The following PTPRG variants were observed in gnomAD, a reference collection of about 807,000 sequenced individuals.
The protein encoded by PTPRG is receptor-type tyrosine-protein phosphatase gamma.
Under a neutral mutation model 165.3 loss-of-function variants are expected in PTPRG, and 102 were observed. The observed-to-expected ratio is 0.62, with a 90% CI of 0.53 to 0.73. PTPRG has a LOEUF of 0.73. Ranked by LOEUF, PTPRG falls within the 30% of genes least tolerant of loss-of-function variation. PTPRG has a pLI of 0.00. For missense variants in PTPRG, 1,866 were observed against 1,861.4 expected (o/e 1.00, Z -0.05); for synonymous variants, 675 against 669.5 (o/e 1.01, Z -0.13).
At chr3:61,956,726 T>A (rs1048011539) in intron 2 of PTPRG, among the ~76,000 whole-genome samples, 58 of 152,324 alleles carry the variant, frequency 3.8e-4, no homozygotes, top group African/African-American at 1.2e-3. Context: ...ATATTGAGAT[T>A]TTTCCTGCTG....
At chr3:61,570,530 T>C (rs1427816311) in intron 1 of PTPRG, among the ~76,000 whole-genome samples, 2 of 152,198 alleles carry the variant, frequency 1.3e-5, no homozygotes, top group South Asian at 2.1e-4. Flanking sequence ...TATAATGCAG[T>C]GGATATACTT....
intron 1 of PTPRG, among the ~76,000 whole-genome samples, chr3:61,656,335 C>T (rs1372565475): frequency 1.3e-5 from 2 of 152,150 alleles, no homozygotes; most frequent in Non-Finnish European, 2.9e-5. Flanking sequence ...CAGAAGTGGT[C>T]TCTGTCTCAG....
At chr3:62,226,173 G>T (rs186213411) in intron 13 of PTPRG, among the ~76,000 whole-genome samples, 12 of 152,316 alleles carry the variant, frequency 7.9e-5, no homozygotes, top group African/African-American at 2.9e-4. Context: ...TGACTTCATA[G>T]CCCACTGGGT....
chr3:62,011,885 G>C (rs6794623), intron 4 of PTPRG, among the ~76,000 whole-genome samples: 75,673 of 152,004 alleles, frequency 0.5, 19,088 homozygotes, highest in African/African-American at 0.57. Context: ...TGGTGTGTCA[G>C]TGACACGTGG....
At chr3:61,897,216 A>G (rs990574673) in intron 2 of PTPRG, among the ~76,000 whole-genome samples, 23 of 152,108 alleles carry the variant, frequency 1.5e-4, no homozygotes, top group African/African-American at 5.3e-4. Flanking sequence ...TGAAAATTTT[A>G]TAGTTTTACA....
chr3:61,873,361 C>A (rs1300988503), intron 2 of PTPRG, among the ~76,000 whole-genome samples: 1 of 152,036 alleles, frequency 6.6e-6, no homozygotes, highest in African/African-American at 2.4e-5. Flanking sequence ...TTTAGCTTTA[C>A]TCATAAGATG....
chr3:61,808,877 A>T (rs369583072), intron 2 of PTPRG, among the ~76,000 whole-genome samples: 1 of 151,342 alleles, frequency 6.6e-6, no homozygotes, highest in Non-Finnish European at 1.5e-5. Context: ...TAAAGTTTAG[A>T]CCTTTTGTAT....
intron 4 of PTPRG, among the ~76,000 whole-genome samples, chr3:62,073,339 TTA>T (rs1480491474): frequency 6.6e-6 from 1 of 152,186 alleles, no homozygotes; most frequent in Non-Finnish European, 1.5e-5. Context: ...AAAATACTTT[TTA>T]ATTATGAAAG....
At chr3:62,172,253 A>T (rs1705244814) in intron 8 of PTPRG, among the ~76,000 whole-genome samples, 1 of 152,214 alleles carries the variant, frequency 6.6e-6, no homozygotes, top group Non-Finnish European at 1.5e-5. Context: ...CAAGTCTTTT[A>T]GATGTAAACC....
rs141247231 is a variant in PTPRG at position 62,108,620 on chromosome 3, G to A, written c.616-23982G>A. Among the ~76,000 whole-genome samples, 424 of 152,208 alleles carry A rather than the reference G, an allele frequency of 2.8e-3. 3 individuals are homozygous for A. Among genetic ancestry groups the A allele is most frequent in the African/African-American group, 9.3e-3 (387 of 41,524 alleles). ...TTCTAGACCCTTGAGGAATCACCACGCTGTCTTCCACAATGGTTGAACTAA... is the reference window on the plus strand; with the variant it reads ...TTCTAGACCCTTGAGGAATCACCACACTGTCTTCCACAATGGTTGAACTAA... On this transcript the variant is annotated intron_variant, in intron 5 of 29. Coordinates refer to ENST00000474889, the MANE Select transcript of PTPRG (RefSeq NM_002841.4).
intron 2 of PTPRG, among the ~76,000 whole-genome samples, chr3:61,872,617 T>C (rs979352628): frequency 7.2e-5 from 11 of 152,212 alleles, no homozygotes; most frequent in African/African-American, 2.7e-4. Flanking sequence ...CAATTTTTTT[T>C]TTCATGACCA....
At chr3:61,912,108 T>G (rs919438558) in intron 2 of PTPRG, among the ~76,000 whole-genome samples, 1 of 152,148 alleles carries the variant, frequency 6.6e-6, no homozygotes, top group Non-Finnish European at 1.5e-5. Flanking sequence ...TGCCTTCTAT[T>G]TTTATGAAGT....
At chr3:61,761,406 A>G (rs1013867621) in intron 2 of PTPRG, among the ~76,000 whole-genome samples, 3 of 152,026 alleles carry the variant, frequency 2.0e-5, no homozygotes, top group Non-Finnish European at 2.9e-5. Flanking sequence ...GTGAAACTTC[A>G]TCTCTACTAA....
intron 4 of PTPRG, among the ~76,000 whole-genome samples, chr3:62,037,516 G>A (rs533159162): frequency 1.3e-5 from 2 of 152,112 alleles, no homozygotes; most frequent in East Asian, 1.9e-4. Context: ...ATATCCCTTG[G>A]GGGGGCAAAA....
chr3:62,089,019 C>G (rs1338378634), intron 5 of PTPRG, among the ~76,000 whole-genome samples: 6 of 152,176 alleles, frequency 3.9e-5, no homozygotes, highest in African/African-American at 1.4e-4. Context: ...AAGAACTTTA[C>G]AATTCTCTTT....
At chr3:61,675,736 C>G (rs1021971294) in intron 1 of PTPRG, among the ~76,000 whole-genome samples, 15 of 152,100 alleles carry the variant, frequency 9.9e-5, no homozygotes, top group Admixed American at 4.6e-4. Context: ...ACAAGGTTAG[C>G]CCTAAGTTGA....
intron 8 of PTPRG, among the ~76,000 whole-genome samples, chr3:62,168,848 G>T (rs979973745): frequency 9.2e-5 from 14 of 152,298 alleles, no homozygotes; most frequent in Middle Eastern, 3.4e-3. Flanking sequence ...GAACAATCAG[G>T]TCGCCCATGG....
At position 61,829,462 on chromosome 3, in the gene PTPRG, A is replaced by G. The variant is rs200485187; in HGVS notation, c.190+80480A>G. On this transcript the variant is annotated intron_variant, in intron 2 of 29. Transcript: ENST00000474889. ...TTATCATGCCTCACTTAGCCCGATCACTGCCTTAAACGACACCACCAGGGA... is the reference window on the plus strand; with the variant it reads ...TTATCATGCCTCACTTAGCCCGATCGCTGCCTTAAACGACACCACCAGGGA... Among the ~76,000 whole-genome samples, 6 of 152,242 alleles carry G rather than the reference A, an allele frequency of 3.9e-5. No individual in the cohort carries two copies. The East Asian group carries it at 7.7e-4, about 20-fold the overall frequency.
At chr3:61,893,648 A>C (rs1234650223) in intron 2 of PTPRG, among the ~76,000 whole-genome samples, 1 of 152,198 alleles carries the variant, frequency 6.6e-6, no homozygotes, top group Non-Finnish European at 1.5e-5. Flanking sequence ...TGGAGTCTTT[A>C]TGTGAAACAT....
Sources: gnomAD v4.1 joint callset for allele counts (sites outside exome capture counted in the v4.1 genomes callset) on GRCh38, gnomAD v4.1.1 for gene constraint, MANE v1.5 for transcripts, NCBI Gene and HGNC (gene_info 2026-07-23, HGNC 2026-07-21) for gene names.